The following AGR3 variants were observed in gnomAD, a reference collection of about 807,000 sequenced individuals.
The protein encoded by AGR3 is anterior gradient protein 3.
AGR3 carries 37 observed loss-of-function variants against 24.5 expected under a neutral mutation model. The observed-to-expected ratio is 1.51, with a 90% CI of 1.16 to 1.99. The LOEUF (loss-of-function observed/expected upper bound fraction) is 1.99, where lower values mean the gene tolerates loss of function less well. AGR3 is among the 30% of genes most tolerant of loss of function. AGR3 has a pLI of 0.00. For synonymous variants in AGR3, 75 were observed against 61.6 expected, an observed-to-expected ratio of 1.22 and a Z score of -1.02; for missense variants, 228 against 191.1, an observed-to-expected ratio of 1.19 and a Z score of -1.14.
At chr7:16,866,650 G>A (rs1343305358) in intron 3 of AGR3, among the ~76,000 whole-genome samples, 1 of 152,020 alleles carries the variant, frequency 6.6e-6, no homozygotes, top group Non-Finnish European at 1.5e-5. Context: ...TTATCCAACA[G>A]GTGAAAAGAG....
At chr7:16,880,938 G>A (rs1191089785) in intron 1 of AGR3, among the ~76,000 whole-genome samples, 1 of 152,082 alleles carries the variant, frequency 6.6e-6, no homozygotes, top group African/African-American at 2.4e-5. Context: ...GCCTGTGGCT[G>A]AGCTACAGAA....
Position 16,873,842 on chromosome 7 carries a change from T to TGTA in AGR3, c.110_111insTAC (p.Gly37_Trp38insThr). On this transcript the variant is annotated inframe_insertion and splice_region_variant, in exon 3 of 8. Transcript: ENST00000310398. ...GTACCCAAGTGATGTCATCTCCCCA[T>TGTA]CCTGAAATAGAAGAGAGAAATCAAT... The TGTA allele has an allele frequency of 1.9e-6, 3 of 1,611,836 alleles. No individual in the cohort carries two copies. Among genetic ancestry groups the TGTA allele is most frequent in the Non-Finnish European group, 2.5e-6 (3 of 1,178,372 alleles).
intron 2 of AGR3, among the ~76,000 whole-genome samples, chr7:16,877,817 C>T (rs62445069): frequency 0.11 from 15,889 of 146,108 alleles, 866 homozygotes; most frequent in East Asian, 0.3. Flanking sequence ...GAGCCAAGAT[C>T]GTGCCACTAC....
chr7:16,876,791 A>G (rs1781993264), intron 2 of AGR3, among the ~76,000 whole-genome samples: 1 of 152,334 alleles, frequency 6.6e-6, no homozygotes, highest in East Asian at 1.9e-4. Flanking sequence ...AATGTAATAT[A>G]TTTTTTCAAA....
Position 16,859,476 on chromosome 7 carries a change from A to T in AGR3, c.*106T>A. 1 of 721,420 alleles carries T rather than the reference A, an allele frequency of 1.4e-6. No homozygotes were observed. The highest frequency in any genetic ancestry group is 1.7e-5 in the South Asian group (1 of 57,562). 44.7% of individuals were successfully genotyped at this position (721,420 alleles called of 1,614,324 possible). On this transcript the variant is annotated 3_prime_UTR_variant, in exon 8 of 8. Coordinates refer to ENST00000310398, the MANE Select transcript of AGR3 (RefSeq NM_176813.5). ...AACACATTAAAAAAACTAAATAGTA[A>T]TATTACAAAATCTATATACTTGCAC...
intron 3 of AGR3, among the ~76,000 whole-genome samples, chr7:16,869,594 G>A (rs1056413865): frequency 2.0e-5 from 3 of 151,642 alleles, no homozygotes; most frequent in Non-Finnish European, 4.4e-5. Context: ...CCATGTGGTG[G>A]CACACATTTG....
At chr7:16,874,711 T>C (rs1407893604) in intron 2 of AGR3, among the ~76,000 whole-genome samples, 2 of 152,212 alleles carry the variant, frequency 1.3e-5, no homozygotes. Flanking sequence ...GTAAATATGA[T>C]AGTAATTTGA....
chr7:16,868,039 C>A (rs181085709), intron 3 of AGR3, among the ~76,000 whole-genome samples: 99 of 152,214 alleles, frequency 6.5e-4, no homozygotes, highest in African/African-American at 2.4e-3. Flanking sequence ...TATTATTCAT[C>A]TTTTTGATAA....
intron 2 of AGR3, 152 bp from the exon 3 acceptor site, chr7:16,873,995 A>T (rs975095652): frequency 4.7e-6 from 3 of 637,884 alleles, no homozygotes; most frequent in Non-Finnish European, 8.2e-6. Context: ...CAATTTTCAC[A>T]AGATATGGAG....
In AGR3 at chr7:16,878,624, C is replaced by T. The variant is rs1232778579; in HGVS notation, c.-6G>A. Reference sequence around the variant, plus strand: ...AAAGCTGAGTGTAGCATCATGTCTTCTAGAGACTCTCTCAGAAGAAGCTAG... The same window carrying T: ...AAAGCTGAGTGTAGCATCATGTCTTTTAGAGACTCTCTCAGAAGAAGCTAG... On this transcript the variant is annotated 5_prime_UTR_variant, in exon 2 of 8. Coordinates refer to ENST00000310398, the MANE Select transcript of AGR3 (RefSeq NM_176813.5). The T allele has an allele frequency of 1.9e-6, 3 of 1,610,888 alleles. No individual in the cohort carries two copies. Among genetic ancestry groups the T allele is most frequent in the Non-Finnish European group, 2.5e-6 (3 of 1,177,282 alleles).
chr7:16,869,303 G>A (rs1781820470), intron 3 of AGR3, among the ~76,000 whole-genome samples: 1 of 152,072 alleles, frequency 6.6e-6, no homozygotes, highest in South Asian at 2.1e-4. Flanking sequence ...GACCTTCTTT[G>A]TTTCTGTTTA....
chr7:16,874,402 C>T (rs1055913967), intron 2 of AGR3, among the ~76,000 whole-genome samples: 1 of 151,864 alleles, frequency 6.6e-6, no homozygotes, highest in South Asian at 2.1e-4. Flanking sequence ...TTTGGAAACA[C>T]CCAAAAGAAT....
In AGR3 at chr7:16,862,647, C is replaced by A. The variant is rs145256786; in HGVS notation, c.189G>T (p.Met63Ile). ...FYAQKSKKPL[M>I]VIHHLEDCQY... is the part of the protein sequence containing the mutation. Reference sequence around the variant, plus strand: ...GACAATCCTCCAGGTGATGAATAACCATTAATGGCTTCTTACTAAACAAAG... The same window carrying A: ...GACAATCCTCCAGGTGATGAATAACAATTAATGGCTTCTTACTAAACAAAG... The change falls in exon 4 of 8, where the codon ATG becomes ATT. Residue 63 changes from methionine to isoleucine, a missense_variant. Physicochemically the swap from Met to Ile is conservative, Grantham distance 10. Transcript: ENST00000310398. 2,128 of 1,549,334 alleles carry A rather than the reference C, an allele frequency of 1.4e-3. 4 individuals carry two copies. The highest frequency in any genetic ancestry group is 1.8e-3 in the South Asian group (141 of 78,880).
At position 16,861,483 on chromosome 7, in the gene AGR3, T is replaced by A. The variant is rs116809273; in HGVS notation, c.304-36A>T. ...AAGAAAAAAAAAGAATGTTATTGGA[T>A]TCATTTGTTTTTGATAGTTTCAAGA... On this transcript the variant is annotated intron_variant, in intron 5 of 7. Coordinates refer to ENST00000310398, the MANE Select transcript of AGR3 (RefSeq NM_176813.5). The A allele has an allele frequency of 6.9e-4, 1,074 of 1,546,994 alleles. 12 individuals carry two copies. In the African/African-American group the frequency reaches 0.012, roughly 18 times the overall value.
At chr7:16,857,994 T>A, downstream of AGR3, among the ~76,000 whole-genome samples, 1 of 151,492 alleles carries the variant, frequency 6.6e-6, no homozygotes, top group East Asian at 1.9e-4. Flanking sequence ...ACATTTTCTT[T>A]TTTTTTTTTT....
In AGR3 at chr7:16,873,769, A is replaced by G; in HGVS notation, c.173+11T>C. 1 of 1,594,152 alleles carries G rather than the reference A, an allele frequency of 6.3e-7. No homozygotes were observed. Among genetic ancestry groups the G allele is most frequent in the Middle Eastern group, 1.7e-4 (1 of 6,024 alleles). ...AATAAAAGGAAAAAAATGAGCTGAG[A>G]AGCATGTTACCTTTTTTGAGCATAA... On this transcript the variant is annotated intron_variant, in intron 3 of 7. Coordinates refer to ENST00000310398, the MANE Select transcript of AGR3 (RefSeq NM_176813.5).
At chr7:16,864,292 A>G (rs112759983) in intron 3 of AGR3, 232 of 1,355,112 alleles carry the variant, frequency 1.7e-4, no homozygotes, top group Non-Finnish European at 2.0e-4. Flanking sequence ...ATAGTCTTCT[A>G]TTATTATATT....
chr7:16,880,908 A>T (rs1782106174), intron 1 of AGR3, among the ~76,000 whole-genome samples: 1 of 152,104 alleles, frequency 6.6e-6, no homozygotes, highest in Non-Finnish European at 1.5e-5. Context: ...CTTAACCTGG[A>T]TCCAGCAGGC....
At chr7:16,870,247 A>G (rs545032859) in intron 3 of AGR3, among the ~76,000 whole-genome samples, 7 of 152,160 alleles carry the variant, frequency 4.6e-5, no homozygotes, top group South Asian at 2.1e-4. Context: ...GTCAATTTTT[A>G]AATATCAATT....
Sources: gnomAD v4.1 joint callset for allele counts (sites outside exome capture counted in the v4.1 genomes callset) on GRCh38, gnomAD v4.1.1 for gene constraint, MANE v1.5 for transcripts, NCBI Gene and HGNC (gene_info 2026-07-23, HGNC 2026-07-21) for gene names.